Variants in SLC30A8 observed in about 807,000 individuals in gnomAD.
SLC30A8 encodes the protein proton-coupled zinc antiporter SLC30A8.
A neutral mutation model predicts 36.9 loss-of-function variants in SLC30A8; 27 were observed. The ratio of observed to expected loss-of-function variants is 0.73; its 90% CI spans 0.54 to 1.01. The LOEUF is 1.01. Among genes scored for constraint, SLC30A8 ranks in the 50% least tolerant of loss-of-function variants. The pLI is 0.00. For missense variants in SLC30A8, 439 were observed against 452.0 expected, an observed-to-expected ratio of 0.97 and a Z score of 0.26; for synonymous variants, 164 against 172.4, an observed-to-expected ratio of 0.95 and a Z score of 0.38.
chr8:116,986,415 C>T (rs1815445500), intron 1 of SLC30A8, among the ~76,000 whole-genome samples: 1 of 152,140 alleles, frequency 6.6e-6, no homozygotes, highest in African/African-American at 2.4e-5. Flanking sequence ...GGAGGTCACA[C>T]TAAATCCCAT....
chr8:117,110,084 T>C (rs999141883), intron 2 of SLC30A8, among the ~76,000 whole-genome samples: 4 of 152,178 alleles, frequency 2.6e-5, no homozygotes, highest in African/African-American at 7.2e-5. Flanking sequence ...GTAAGATAGA[T>C]ACACCTGGAA....
intron 1 of SLC30A8, among the ~76,000 whole-genome samples, chr8:117,038,514 G>A (rs1334274270): frequency 6.6e-6 from 1 of 152,074 alleles, no homozygotes; most frequent in Non-Finnish European, 1.5e-5. Flanking sequence ...GAACTCATTT[G>A]GCCATTCCTG....
chr8:117,103,945 G>A (rs904580000), intron 2 of SLC30A8, among the ~76,000 whole-genome samples: 1 of 152,092 alleles, frequency 6.6e-6, no homozygotes, highest in African/African-American at 2.4e-5. Context: ...TGAACATCAT[G>A]TATAACATTC....
intron 1 of SLC30A8, among the ~76,000 whole-genome samples, chr8:117,021,414 T>G (rs772067420): frequency 1.3e-5 from 2 of 152,224 alleles, no homozygotes; most frequent in African/African-American, 2.4e-5. Context: ...CTAGAGGATC[T>G]GCTGTAGTAT....
chr8:117,034,897 G>C (rs1817164923), intron 1 of SLC30A8, among the ~76,000 whole-genome samples: 1 of 152,070 alleles, frequency 6.6e-6, no homozygotes, highest in Non-Finnish European at 1.5e-5. Context: ...GAGAGAGAGA[G>C]TAGGAGGAAC....
intron 1 of SLC30A8, among the ~76,000 whole-genome samples, chr8:117,027,430 T>C (rs1382907327): frequency 6.6e-6 from 1 of 152,218 alleles, no homozygotes; most frequent in Non-Finnish European, 1.5e-5. Flanking sequence ...TCAATTCAAA[T>C]GTCAATATGT....
chr8:117,171,649 A>T (rs1823393634), intron 7 of SLC30A8, among the ~76,000 whole-genome samples: 1 of 152,298 alleles, frequency 6.6e-6, no homozygotes, highest in Admixed American at 6.5e-5. Context: ...GTGGGGTCCC[A>T]CACTGTATGA....
intron 1 of SLC30A8, among the ~76,000 whole-genome samples, chr8:116,972,085 C>A (rs1459173784): frequency 2.6e-5 from 4 of 152,160 alleles, no homozygotes; most frequent in Non-Finnish European, 4.4e-5. Context: ...AAAAGCCCTA[C>A]CAAGTGGAAA....
intron 1 of SLC30A8, among the ~76,000 whole-genome samples, chr8:116,986,542 A>G (rs764492016): frequency 1.2e-4 from 18 of 152,234 alleles, no homozygotes; most frequent in Non-Finnish European, 1.0e-4. Flanking sequence ...CTTAATTTCC[A>G]TTAATGATCT....
upstream of SLC30A8, among the ~76,000 whole-genome samples, chr8:117,132,322 T>G (rs978953274): frequency 2.6e-5 from 4 of 152,018 alleles, no homozygotes; most frequent in Admixed American, 2.6e-4. Context: ...AACACCCTAT[T>G]AAGAAATTGT....
chr8:116,976,721 A>AG (rs533963474), intron 1 of SLC30A8, among the ~76,000 whole-genome samples: 393 of 151,866 alleles, frequency 2.6e-3, no homozygotes, highest in African/African-American at 8.7e-3. Context: ...CTGCTGGGGT[A>AG]GGGGGGTCTT....
chr8:117,128,212 GA>G lies in SLC30A8; in HGVS notation c.-225-7067del, dbSNP rs1264072437. 1.1e-4 allele frequency among the ~76,000 whole-genome samples: 17 copies of G among 152,186 alleles called. 1 individual carries two copies. The highest frequency in any genetic ancestry group is 5.2e-4 in the Admixed American group (8 of 15,278). ...TTTAATTTGCTAGTAAACAAGAAGTGAGTGAGAAGTGGGCATGCACTTGCTG... is the reference window on the plus strand; with the variant it reads ...TTTAATTTGCTAGTAAACAAGAAGTGGTGAGAAGTGGGCATGCACTTGCTG... On this transcript the variant is annotated intron_variant, in intron 2 of 10. Transcript: ENST00000427715.
At chr8:117,102,822 C>T (rs993539220) in intron 2 of SLC30A8, among the ~76,000 whole-genome samples, 4 of 152,126 alleles carry the variant, frequency 2.6e-5, no homozygotes, top group Admixed American at 6.6e-5. Context: ...ATACATGATG[C>T]ATCTCAACTT....
At chr8:116,967,839 T>G (rs1814650136) in intron 1 of SLC30A8, among the ~76,000 whole-genome samples, 1 of 152,174 alleles carries the variant, frequency 6.6e-6, no homozygotes, top group Non-Finnish European at 1.5e-5. Flanking sequence ...GGTTGGAGAT[T>G]CTGTTTCAAG....
rs1384351343 is a variant in SLC30A8 at position 116,964,537 on chromosome 8, C to G, written c.-266+13418C>G. 1.3e-5 allele frequency among the ~76,000 whole-genome samples: 2 copies of G among 152,220 alleles called. 1 individual carries two copies. Among genetic ancestry groups the G allele is most frequent in the Admixed American group, 1.3e-4 (2 of 15,286 alleles). ...ACGTGGAGCTTTTAGGGGAGCTCAT[C>G]ATCCTAGCAAAGTGTTTATGCAGCA... On this transcript the variant is annotated intron_variant, in intron 1 of 10. Transcript: ENST00000427715.
At chr8:117,007,967 G>A (rs1816234722) in intron 1 of SLC30A8, among the ~76,000 whole-genome samples, 1 of 152,152 alleles carries the variant, frequency 6.6e-6, no homozygotes, top group South Asian at 2.1e-4. Context: ...AATGTAAAAT[G>A]ATATATGGTA....
At chr8:117,040,999 C>T (rs531739101) in intron 2 of SLC30A8, among the ~76,000 whole-genome samples, 73 of 151,984 alleles carry the variant, frequency 4.8e-4, no homozygotes, top group Non-Finnish European at 1.0e-3. Context: ...AACCAGTCAC[C>T]CAAGGGAGAT....
chr8:117,023,861 A>T (rs966207502), intron 1 of SLC30A8, among the ~76,000 whole-genome samples: 1 of 147,122 alleles, frequency 6.8e-6, no homozygotes, highest in Non-Finnish European at 1.5e-5. Flanking sequence ...CCTAAAACTT[A>T]AAAAAAAAAG....
At chr8:117,067,028 CA>C (rs1818189684) in intron 2 of SLC30A8, among the ~76,000 whole-genome samples, 1 of 152,128 alleles carries the variant, frequency 6.6e-6, no homozygotes, top group African/African-American at 2.4e-5. Context: ...AACTTACAAT[CA>C]TGGTGGAAGG....
Sources: gnomAD v4.1 joint callset for allele counts (sites outside exome capture counted in the v4.1 genomes callset) on GRCh38, gnomAD v4.1.1 for gene constraint, MANE v1.5 for transcripts, NCBI Gene and HGNC (gene_info 2026-07-23, HGNC 2026-07-21) for gene names.